Variants in MX2 observed in about 807,000 individuals in gnomAD.
MX2 encodes interferon-induced GTP-binding protein Mx2.
Under a neutral mutation model 74.0 loss-of-function variants are expected in MX2, and 51 were observed. That is an observed-to-expected ratio of 0.69 (90% CI 0.55 to 0.87). The LOEUF (loss-of-function observed/expected upper bound fraction) is 0.87. MX2 is among the 40% of genes least tolerant of loss of function. The pLI is 0.00. For missense variants in MX2, 832 were observed against 908.7 expected (o/e 0.92, Z 1.09); for synonymous variants, 369 against 339.3 (o/e 1.09, Z -0.96).
chr21:41,399,072 T>C lies in MX2; in HGVS notation c.1272+53T>C, dbSNP rs1225887503. 5 of 1,597,432 alleles carry C rather than the reference T, an allele frequency of 3.1e-6. No homozygotes were observed. The African/African-American group carries it at 5.4e-5, about 17-fold the overall frequency. ...ACACTGCATCCTTCCCTGGTGGCCCTGCAGCTGCCCTTCCCCTTCTTCACC... is the reference window on the plus strand; with the variant it reads ...ACACTGCATCCTTCCCTGGTGGCCCCGCAGCTGCCCTTCCCCTTCTTCACC... On this transcript the variant is annotated intron_variant, in intron 9 of 13. Transcript: ENST00000330714.
intron 4 of MX2, 54 bp from the exon 5 acceptor site, chr21:41,382,356 C>G: frequency 6.3e-7 from 1 of 1,577,346 alleles, no homozygotes; most frequent in Non-Finnish European, 8.6e-7. Context: ...GAACTGCTTC[C>G]TCACAGGGAT....
intron 10 of MX2, chr21:41,401,725 C>G (rs995548755): frequency 4.4e-5 from 17 of 383,466 alleles, no homozygotes; most frequent in Non-Finnish European, 7.4e-5. Flanking sequence ...AATAGCTTCT[C>G]TCTTGGGGTG....
chr21:41,399,614 G>A (rs1032921977), intron 10 of MX2: 3 of 306,910 alleles, frequency 9.8e-6, no homozygotes, highest in African/African-American at 4.2e-5. Flanking sequence ...TGCCTAGGCT[G>A]GAGTGTAGTG....
intron 5 of MX2, among the ~76,000 whole-genome samples, chr21:41,386,219 CAAAAAAAAAAAAAAAAA>C (rs59005802): frequency 2.8e-4 from 9 of 31,998 alleles, no homozygotes; most frequent in African/African-American, 3.7e-4. Context: ...TACTCCATCT[CAAAAAAAAAAAAAAAAA>C]AAAAAAAAAA....
rs530310086 is a variant in MX2 at position 41,407,688 on chromosome 21, A to T, written c.1906-303A>T. Among the ~76,000 whole-genome samples the T allele has an allele frequency of 1.3e-4, 20 of 152,242 alleles. 1 individual carries two copies. The South Asian group carries it at 3.1e-3, about 24-fold the overall frequency. ...TGCATACCCAGAAGGGAGCCAGGGGAGTCCTGGGCTGGGGGAGTTTCTCCA... is the reference window on the plus strand; with the variant it reads ...TGCATACCCAGAAGGGAGCCAGGGGTGTCCTGGGCTGGGGGAGTTTCTCCA... On this transcript the variant is annotated intron_variant, in intron 13 of 13. Transcript: ENST00000330714.
intron 6 of MX2, among the ~76,000 whole-genome samples, chr21:41,394,213 G>A (rs138716127): frequency 1.3e-5 from 2 of 152,224 alleles, no homozygotes; most frequent in African/African-American, 4.8e-5. Context: ...TATAAACCCC[G>A]GACTCCTTTA....
At chr21:41,382,696 C>A in intron 5 of MX2, 132 bp downstream of exon 5, 1 of 1,195,390 alleles carries the variant, frequency 8.4e-7, no homozygotes, top group Non-Finnish European at 1.2e-6. Context: ...AAGACCTGCC[C>A]AGGTGGGGGC....
chr21:41,387,110 T>C (rs887523870), intron 5 of MX2, among the ~76,000 whole-genome samples: 12 of 152,206 alleles, frequency 7.9e-5, no homozygotes, highest in African/African-American at 2.9e-4. Context: ...CTTCGTATTT[T>C]TGTGTCTCTT....
chr21:41,364,549 A>G (rs1262368435), intron 1 of MX2: 1 of 152,374 alleles, frequency 6.6e-6, no homozygotes, highest in African/African-American at 2.4e-5. Flanking sequence ...TTGCTGTACT[A>G]CTTTCAGTCA....
chr21:41,384,376 C>G (rs556657549), intron 5 of MX2, among the ~76,000 whole-genome samples: 2 of 152,308 alleles, frequency 1.3e-5, no homozygotes, highest in East Asian at 3.9e-4. Flanking sequence ...TGGTCTGAGA[C>G]AGTTTGATCT....
At chr21:41,397,306 G>A (rs1213634327) in intron 7 of MX2, among the ~76,000 whole-genome samples, 1 of 152,200 alleles carries the variant, frequency 6.6e-6, no homozygotes, top group African/African-American at 2.4e-5. Context: ...CTTTTGTGAT[G>A]AGAAATAAAA....
At chr21:41,367,542 C>A (rs542922822) in intron 1 of MX2, among the ~76,000 whole-genome samples, 1 of 152,234 alleles carries the variant, frequency 6.6e-6, no homozygotes, top group South Asian at 2.1e-4. Context: ...CTGCAATAAA[C>A]CAAATCCCTT....
chr21:41,371,996 C>T (rs1001121806), intron 1 of MX2, among the ~76,000 whole-genome samples: 2 of 152,106 alleles, frequency 1.3e-5, no homozygotes, highest in Admixed American at 6.5e-5. Flanking sequence ...TTGCGAACAC[C>T]GAGGGTGATT....
intron 1 of MX2, among the ~76,000 whole-genome samples, chr21:41,371,878 C>T (rs1449972138): frequency 1.3e-5 from 2 of 152,092 alleles, no homozygotes; most frequent in African/African-American, 2.4e-5. Flanking sequence ...AGATAGAGGC[C>T]AAGACCGCAC....
At chr21:41,400,914 C>G (rs2089803880) in intron 10 of MX2, 1 of 152,222 alleles carries the variant, frequency 6.6e-6, no homozygotes, top group South Asian at 2.1e-4. Flanking sequence ...GCCACGTTGA[C>G]CAGGCTGGTC....
In MX2 at chr21:41,406,751, T is replaced by C. The variant is rs758411744; in HGVS notation, c.1658T>C (p.Ile553Thr). Residue 553 changes from isoleucine to threonine, a missense_variant, in exon 13 of 14, where the codon ATT becomes ACT. By Grantham distance (89) the Ile-to-Thr change is moderately conservative. Transcript: ENST00000330714. ...TCTTTTTTATCTAACCAGAGCACGA[T>C]TGAAGACATAAAAGTGAAACACACA... ...FNLNQTVQST[I>T]EDIKVKHTAK... is the part of the protein sequence containing the mutation. 6.2e-6 allele frequency: 10 copies of C among 1,613,902 alleles called. No individual in the cohort carries two copies. The highest frequency in any genetic ancestry group is 1.7e-5 in the Admixed American group (1 of 59,960).
chr21:41,401,761 C>T (rs547519145), intron 10 of MX2: 1 of 477,192 alleles, frequency 2.1e-6, no homozygotes, highest in Non-Finnish European at 3.6e-6. Context: ...AACACATTTT[C>T]ATAGAATAAG....
chr21:41,380,342 C>T lies in MX2; in HGVS notation c.577+191C>T, dbSNP rs1043220546. Among the ~76,000 whole-genome samples the T allele has an allele frequency of 2.0e-5, 3 of 152,108 alleles. No individual in the cohort carries two copies. The highest frequency in any genetic ancestry group is 6.5e-5 in the Admixed American group (1 of 15,278). ...GGTCCTTGTCCAGGTCCCCTCTCAT[C>T]GAGTCATCCCATGCCGAGGACCCTC... On this transcript the variant is annotated intron_variant, in intron 4 of 13. Coordinates refer to ENST00000330714, the MANE Select transcript of MX2 (RefSeq NM_002463.2). The surrounding 1 kb of genome is among the most constrained non-coding windows in gnomAD (Gnocchi z 4.3).
chr21:41,406,163 T>C (rs981051107), intron 12 of MX2, among the ~76,000 whole-genome samples: 1 of 152,096 alleles, frequency 6.6e-6, no homozygotes, highest in Non-Finnish European at 1.5e-5. Flanking sequence ...TAATTTTGTA[T>C]TTTTAGTAGA....
Sources: allele counts gnomAD v4.1 joint callset (sites outside exome capture counted in the v4.1 genomes callset), GRCh38; gene constraint gnomAD v4.1.1; non-coding constraint Gnocchi (gnomAD v3.1); transcripts MANE v1.5; gene names NCBI Gene and HGNC (gene_info 2026-07-23, HGNC 2026-07-21).